Variants in ADAMTSL4 observed in about 807,000 individuals in gnomAD.
ADAMTSL4 encodes the protein ADAMTS like 4.
ADAMTSL4 carries 97 observed loss-of-function variants against 122.8 expected under a neutral mutation model. The observed-to-expected ratio is 0.79, with a 90% CI of 0.67 to 0.93. ADAMTSL4 has a LOEUF of 0.93. Among genes scored for constraint, ADAMTSL4 ranks in the 40% least tolerant of loss-of-function variants. The probability of loss-of-function intolerance (pLI) is 0.00; values close to 1 mark genes in which losing one functional copy is unlikely to be tolerated. For missense variants in ADAMTSL4, 1,408 were observed against 1,453.5 expected (o/e 0.97, Z 0.51); for synonymous variants, 592 against 568.0 (o/e 1.04, Z -0.60).
Position 150,557,321 on chromosome 1 carries a change from C to T in ADAMTSL4, c.2033C>T (p.Ala678Val), listed in dbSNP as rs753525489. 6.8e-6 allele frequency: 11 copies of T among 1,611,096 alleles called. No individual in the cohort carries two copies. The highest frequency in any genetic ancestry group is 1.3e-5 in the African/African-American group (1 of 74,974). ...WKRVGHSACS[A>V]SCGKGVWRPI... ...CGAGTGGGACACTCTGCATGCTCAG[C>T]GTCCTGCGGGAAAGGTGAGACATCA... is the stretch of plus-strand genomic sequence containing the variant. Residue 678 changes from alanine to valine, a missense_variant, in exon 12 of 19, where the codon GCG (alanine) becomes GTG (valine). Transcript: ENST00000271643.
In ADAMTSL4 at chr1:150,553,820, G is replaced by T. The variant is rs1331262168; in HGVS notation, c.829G>T (p.Ala277Ser). ...CTTAGGAGAAGGTGGCTTCTTCCGT[G>T]CATCCCCTCAGCCACGAAGGCCAAG... Reference protein sequence around the residue: ...HSLGEGGFFRASPQPRRPSSQ... With the variant: ...HSLGEGGFFRSSPQPRRPSSQ... The change falls in exon 6 of 19, where the codon GCA (alanine) becomes TCA (serine). Residue 277 changes from alanine (A) to serine (S), a missense_variant. Transcript: ENST00000271643. 7.4e-6 allele frequency: 12 copies of T among 1,613,762 alleles called. No homozygotes were observed. Among genetic ancestry groups the T allele is most frequent in the South Asian group, 1.1e-5 (1 of 91,088 alleles).
chr1:150,552,818 C>T lies in ADAMTSL4; in HGVS notation c.79-80C>T. 1 of 1,457,636 alleles carries T rather than the reference C, an allele frequency of 6.9e-7. No individual in the cohort carries two copies. Among genetic ancestry groups the T allele is most frequent in the Non-Finnish European group, 9.6e-7 (1 of 1,046,546 alleles). The allele number at this position is 1,457,636 out of a possible 1,614,324, so 90.3% of individuals were successfully genotyped here. On this transcript the variant is annotated intron_variant, in intron 4 of 18. Coordinates refer to ENST00000271643, the MANE Select transcript of ADAMTSL4 (RefSeq NM_019032.6). This position sits in a 1 kb window ranked among gnomAD's most constrained non-coding sequence, Gnocchi z 4.0. ...CTTGGACTGGTAGCGACTCCGTGAG[C>T]CTCAGTGTTGGTCTACATGGACACT...
chr1:150,550,991 G>T (rs1439470200), intron 2 of ADAMTSL4: 1 of 456,022 alleles, frequency 2.2e-6, no homozygotes. Flanking sequence ...AACAGAAACA[G>T]ATTTTTTTTT....
In ADAMTSL4 at chr1:150,558,065, T is replaced by A; in HGVS notation, c.2298T>A (p.Cys766Ter). ...GCTCCTCGGTGCCCCCGGAGCGCTG[T>A]GGACATCTCCCCCGGCCCAACATCA... is the stretch of plus-strand genomic sequence containing the variant. ...GGGSSVPPER[C>*]GHLPRPNITQ... Residue 766 changes from cysteine to a stop codon, truncating the protein, a stop_gained, in exon 14 of 19, where the codon TGT becomes TGA. Transcript: ENST00000271643. LOFTEE classifies it high-confidence loss of function. The A allele has an allele frequency of 6.2e-7, 1 of 1,613,046 alleles. No individual in the cohort carries two copies. The highest frequency in any genetic ancestry group is 8.5e-7 in the Non-Finnish European group (1 of 1,179,968).
rs587688843 is a variant in ADAMTSL4, at chr1:150,553,115, G to A, written c.296G>A (p.Gly99Asp). Residue 99 changes from glycine to aspartate, a missense_variant, in exon 5 of 19, where the codon GGC (glycine) becomes GAC (aspartate). Transcript: ENST00000271643. ...PRHPEALLPRGQGPRPQTSPE... is the reference protein window; with the variant it reads ...PRHPEALLPRDQGPRPQTSPE... ...CATCCAGAAGCCCTCCTCCCCCGGG[G>A]CCAGGGTCCCAGACCCCAGACTTCT... 1.1e-5 allele frequency: 17 copies of A among 1,613,170 alleles called. No homozygotes were observed. In the African/African-American group the frequency reaches 2.0e-4, roughly 19 times the overall value.
Position 150,554,158 on chromosome 1 carries a change from C to T in ADAMTSL4, c.1131+36C>T, listed in dbSNP as rs1352497350. 1 of 1,594,842 alleles carries T rather than the reference C, an allele frequency of 6.3e-7. No individual in the cohort carries two copies. The highest frequency in any genetic ancestry group is 8.5e-7 in the Non-Finnish European group (1 of 1,177,396). On this transcript the variant is annotated intron_variant, in intron 6 of 18. Transcript: ENST00000271643. This position sits in a 1 kb window ranked among gnomAD's most constrained non-coding sequence, Gnocchi z 4.0. ...TCGGGCCTCCCCTCCCAACCCCGAC[C>T]TCCAGTGTGGCTTCCCTGCCCTGAA...
chr1:150,556,564 G>A lies in ADAMTSL4; in HGVS notation c.1577-57G>A. 1 of 1,609,162 alleles carries A rather than the reference G, an allele frequency of 6.2e-7. No individual in the cohort carries two copies. Among genetic ancestry groups the A allele is most frequent in the Non-Finnish European group, 8.5e-7 (1 of 1,176,270 alleles). On this transcript the variant is annotated intron_variant, in intron 9 of 18. Transcript: ENST00000271643. The surrounding 1 kb of genome is among the most constrained non-coding windows in gnomAD (Gnocchi z 4.1). Reference sequence around the variant, plus strand: ...TTCTATAGGCTAAGGACACGGTGTGGGAGGAGGAAGGTATTATCACCCTGG... The same window carrying A: ...TTCTATAGGCTAAGGACACGGTGTGAGAGGAGGAAGGTATTATCACCCTGG...
intron 8 of ADAMTSL4, 169 bp from the exon 9 acceptor site, chr1:150,555,993 G>A (rs1178485931): frequency 7.2e-6 from 5 of 698,402 alleles, no homozygotes; most frequent in African/African-American, 1.8e-5. Flanking sequence ...GGATCTGATC[G>A]GGCACCTGTC....
At chr1:150,555,706 CACAT>C in intron 8 of ADAMTSL4, 141 bp downstream of exon 8, 1 of 1,182,224 alleles carries the variant, frequency 8.5e-7, no homozygotes, top group South Asian at 1.4e-5. Flanking sequence ...TGCGCACAGA[CACAT>C]GCACACACGC....
rs200338982 is a variant in ADAMTSL4 at position 150,557,361 on chromosome 1, C to A, written c.2047+26C>A. ...GTGAGACATCACAGTGCGTTCCCCG[C>A]ATCTCGGTCCAAACCCCCCAACTGA... On this transcript the variant is annotated intron_variant, in intron 12 of 18. Coordinates refer to ENST00000271643, the MANE Select transcript of ADAMTSL4 (RefSeq NM_019032.6). 2.3e-5 allele frequency: 37 copies of A among 1,603,496 alleles called. No homozygotes were observed. In the East Asian group the frequency reaches 7.2e-4, roughly 31 times the overall value.
Position 150,552,758 on chromosome 1 carries a change from C to T in ADAMTSL4, c.79-140C>T, listed in dbSNP as rs1308843145. 8 of 1,275,724 alleles carry T rather than the reference C, an allele frequency of 6.3e-6. No homozygotes were observed. Among genetic ancestry groups the T allele is most frequent in the African/African-American group, 1.5e-5 (1 of 68,166 alleles). 79.0% of individuals were successfully genotyped at this position (1,275,724 alleles called of 1,614,324 possible). A position where few individuals can be genotyped will look rare whatever the true frequency, so the allele number is the denominator to read the frequency against. On this transcript the variant is annotated intron_variant, in intron 4 of 18. Transcript: ENST00000271643. This position sits in a 1 kb window ranked among gnomAD's most constrained non-coding sequence, Gnocchi z 4.0. The stretch of plus-strand genomic sequence containing the variant: ...TCCTTGCCTCATAACACCAAGAGGC[C>T]GAGGTGTAGTTCTCCCTCTGCTGCT...
At position 150,560,219 on chromosome 1, in the gene ADAMTSL4, G is replaced by C; in HGVS notation, c.*23G>C. On this transcript the variant is annotated 3_prime_UTR_variant, in exon 19 of 19. Coordinates refer to ENST00000271643, the MANE Select transcript of ADAMTSL4 (RefSeq NM_019032.6). ...TGAAAGGGGTCCGGGGCACCTTCAC[G>C]GTTTTCTGTGCCACCATCGGTCACC... 6.2e-7 allele frequency: 1 copy of C among 1,613,254 alleles called. No individual in the cohort carries two copies. The highest frequency in any genetic ancestry group is 2.2e-5 in the East Asian group (1 of 44,854).
At position 150,560,262 on chromosome 1, in the gene ADAMTSL4, T is replaced by G; in HGVS notation, c.*66T>G. The stretch of plus-strand genomic sequence containing the variant: ...CGGTCACCCATTGATCGGCCCACTC[T>G]GAACCCCCTGGCTCTCCAGCCTGTC... On this transcript the variant is annotated 3_prime_UTR_variant, in exon 19 of 19. Transcript: ENST00000271643. 1 of 1,599,780 alleles carries G rather than the reference T, an allele frequency of 6.3e-7. No individual in the cohort carries two copies.
At chr1:150,558,860 AC>A (rs1672492336) in intron 15 of ADAMTSL4, 101 bp from the exon 16 acceptor site, 2 of 1,537,778 alleles carry the variant, frequency 1.3e-6, no homozygotes, top group Admixed American at 3.9e-5. Flanking sequence ...ATTCCCAACC[AC>A]CCAGGATTCG....
intron 7 of ADAMTSL4, 145 bp from the exon 8 acceptor site, chr1:150,555,284 G>A (rs892421777): frequency 7.7e-6 from 8 of 1,043,882 alleles, no homozygotes; most frequent in South Asian, 3.1e-5. Flanking sequence ...CACTGCGCCC[G>A]GCCCTGACCA....
rs766510691 is a variant in ADAMTSL4, at chr1:150,553,476, T to C, written c.485T>C (p.Val162Ala). ...IKPGMFGYGR[V>A]PFALPLHRNR... ...CCAGGAATGTTCGGTTATGGGAGAG[T>C]GCCCTTTGCATTGCCACTGCACCGG... Residue 162 changes from valine to alanine, a missense_variant, in exon 6 of 19, where the codon GTG (valine) becomes GCG (alanine). Coordinates refer to ENST00000271643, the MANE Select transcript of ADAMTSL4 (RefSeq NM_019032.6). The C allele has an allele frequency of 6.2e-6, 10 of 1,612,856 alleles. No individual in the cohort carries two copies. Among genetic ancestry groups the C allele is most frequent in the African/African-American group, 1.3e-5 (1 of 74,446 alleles).
rs1475725556 is a variant in ADAMTSL4, at chr1:150,556,230, T to A, written c.1440T>A (p.Asp480Glu). ...ATGGCTGTGGAGTCTGTGGGGGTGA[T>A]GATTCTACCTGTCGCCTTGTTTCGG... Reference protein sequence around the residue: ...RPDGCGVCGGDDSTCRLVSGN... With the variant: ...RPDGCGVCGGEDSTCRLVSGN... Residue 480 changes from aspartate (D) to glutamate (E), a missense_variant, in exon 9 of 19, where the codon GAT becomes GAA. Physicochemically the swap from Asp to Glu is conservative, Grantham distance 45 (BLOSUM62 2). Transcript: ENST00000271643. This position sits in a 1 kb window ranked among gnomAD's most constrained non-coding sequence, Gnocchi z 4.1. 1 of 1,614,158 alleles carries A rather than the reference T, an allele frequency of 6.2e-7. No homozygotes were observed. The highest frequency in any genetic ancestry group is 8.5e-7 in the Non-Finnish European group (1 of 1,180,016).
rs376491237 is a variant in ADAMTSL4 at position 150,560,173 on chromosome 1, C to T, written c.3202C>T (p.Arg1068Trp). Residue 1068 changes from arginine (R) to tryptophan (W), a missense_variant, in exon 19 of 19, where the codon CGG (arginine) becomes TGG (tryptophan). Coordinates refer to ENST00000271643, the MANE Select transcript of ADAMTSL4 (RefSeq NM_019032.6). The stretch of plus-strand genomic sequence containing the variant: ...CCGCTCTTGCGCACATGTCCTGGAG[C>T]GGTCTCCCCAGGATCCCTCCTGAAA... ...CCRSCAHVLE[R>W]SPQDPS 27 of 1,613,934 alleles carry T rather than the reference C, an allele frequency of 1.7e-5. No individual in the cohort carries two copies. The highest frequency in any genetic ancestry group is 2.7e-5 in the African/African-American group (2 of 74,910).
rs1188905695 is a variant in ADAMTSL4 at position 150,559,195 on chromosome 1, G to C, written c.2763+30G>C. 1.2e-6 allele frequency: 2 copies of C among 1,611,928 alleles called. No individual in the cohort carries two copies. The highest frequency in any genetic ancestry group is 1.7e-6 in the Non-Finnish European group (2 of 1,179,244). ...GCTGAGCGCCTGCTGAGAGCAGGAA[G>C]GGGGTGCCAGTCCCAGTGGGATTCC... On this transcript the variant is annotated intron_variant, in intron 16 of 18. Coordinates refer to ENST00000271643, the MANE Select transcript of ADAMTSL4 (RefSeq NM_019032.6). The surrounding 1 kb of genome is among the most constrained non-coding windows in gnomAD (Gnocchi z 4.1).
Sources: gnomAD v4.1 joint callset for allele counts on GRCh38, gnomAD v4.1.1 for gene constraint, Gnocchi (gnomAD v3.1) non-coding constraint, MANE v1.5 for transcripts, NCBI Gene and HGNC (gene_info 2026-07-23, HGNC 2026-07-21) for gene names.